Variants in UNC5D observed in about 807,000 individuals in gnomAD.
UNC5D encodes unc-5 netrin receptor D, also known as netrin receptor UNC5D.
UNC5D carries 39 observed loss-of-function variants against 105.4 expected under a neutral mutation model. The observed-to-expected ratio is 0.37, with a 90% CI of 0.29 to 0.48. The LOEUF is 0.48. Among genes scored for constraint, UNC5D ranks in the 20% least tolerant of loss-of-function variants. UNC5D has a pLI of 0.98. For synonymous variants in UNC5D, 452 were observed against 450.4 expected (o/e 1.00, Z -0.04); for missense variants, 991 against 1,202.4 (o/e 0.82, Z 2.60).
At chr8:35,261,983 T>C (rs182897752) in intron 1 of UNC5D, among the ~76,000 whole-genome samples, 3 of 152,314 alleles carry the variant, frequency 2.0e-5, no homozygotes, top group Admixed American at 2.0e-4. Context: ...TGTCTGGGTT[T>C]CTTGATCTCT....
chr8:35,664,238 T>C (rs1463631860), intron 4 of UNC5D, among the ~76,000 whole-genome samples: 3 of 152,316 alleles, frequency 2.0e-5, no homozygotes, highest in African/African-American at 7.2e-5. Flanking sequence ...CTATTTTCAT[T>C]GATGATGATT....
At chr8:35,626,392 A>G (rs1327980739) in intron 4 of UNC5D, among the ~76,000 whole-genome samples, 3 of 152,214 alleles carry the variant, frequency 2.0e-5, no homozygotes, top group African/African-American at 2.4e-5. Context: ...TAACCAAAAA[A>G]TTAAAATGCA....
intron 15 of UNC5D, among the ~76,000 whole-genome samples, chr8:35,768,132 G>A (rs1424212271): frequency 6.6e-6 from 1 of 151,898 alleles, no homozygotes; most frequent in Admixed American, 6.6e-5. Flanking sequence ...ATTTATAGCT[G>A]TATAGCATTA....
intron 1 of UNC5D, among the ~76,000 whole-genome samples, chr8:35,277,554 G>A (rs532430403): frequency 2.0e-5 from 3 of 152,160 alleles, no homozygotes; most frequent in Admixed American, 6.5e-5. Flanking sequence ...AGTCTTGGGT[G>A]ACTTTTCTCA....
intron 1 of UNC5D, among the ~76,000 whole-genome samples, chr8:35,546,935 A>C (rs1815725239): frequency 6.6e-6 from 1 of 152,182 alleles, no homozygotes; most frequent in Non-Finnish European, 1.5e-5. Flanking sequence ...TATTTGCTTT[A>C]CAATTTTTTG....
intron 4 of UNC5D, among the ~76,000 whole-genome samples, chr8:35,638,888 T>TTCATA (rs1214836340): frequency 6.6e-6 from 1 of 152,206 alleles, no homozygotes; most frequent in Non-Finnish European, 1.5e-5. Flanking sequence ...AAACTCTTTA[T>TTCATA]TCATATTGAA....
At chr8:35,301,771 A>G (rs1310298948) in intron 1 of UNC5D, among the ~76,000 whole-genome samples, 1 of 152,184 alleles carries the variant, frequency 6.6e-6, no homozygotes, top group Non-Finnish European at 1.5e-5. Flanking sequence ...TATATAATTT[A>G]CTATAAATAA....
chr8:35,739,017 T>A (rs2131600227), intron 11 of UNC5D, among the ~76,000 whole-genome samples: 1 of 152,310 alleles, frequency 6.6e-6, no homozygotes, highest in South Asian at 2.1e-4. Context: ...ATAGAGAGAA[T>A]CACTGAGGAA....
intron 1 of UNC5D, among the ~76,000 whole-genome samples, chr8:35,434,249 T>C (rs1038850154): frequency 6.6e-6 from 1 of 152,080 alleles, no homozygotes; most frequent in African/African-American, 2.4e-5. Context: ...AATTGAAATA[T>C]GGAAATAAAT....
chr8:35,357,385 A>G lies in UNC5D; in HGVS notation c.103+121498A>G, dbSNP rs184711303. Among the ~76,000 whole-genome samples the G allele has an allele frequency of 6.6e-5, 10 of 152,272 alleles. No individual in the cohort carries two copies. The East Asian group carries it at 1.9e-3, about 30-fold the overall frequency. On this transcript the variant is annotated intron_variant, in intron 1 of 16. Coordinates refer to ENST00000404895, the MANE Select transcript of UNC5D (RefSeq NM_080872.4). Reference sequence around the variant, plus strand: ...TTTGTCCCCCTAACAAGCTTTGCTCATTAACCCCAGACTGCTGGGCAAAAT... The same window carrying G: ...TTTGTCCCCCTAACAAGCTTTGCTCGTTAACCCCAGACTGCTGGGCAAAAT...
chr8:35,270,283 G>A (rs964234336), intron 1 of UNC5D, among the ~76,000 whole-genome samples: 4 of 152,232 alleles, frequency 2.6e-5, no homozygotes, highest in African/African-American at 9.6e-5. Flanking sequence ...GATTTCTTGG[G>A]CTTTCGATAG....
intron 11 of UNC5D, among the ~76,000 whole-genome samples, chr8:35,735,025 G>GC (rs1484136072): frequency 6.6e-6 from 1 of 151,762 alleles, no homozygotes; most frequent in Non-Finnish European, 1.5e-5. Context: ...TTATCCACCC[G>GC]CCTCGGCCTC....
At chr8:35,742,058 C>T (rs1387626599) in intron 11 of UNC5D, among the ~76,000 whole-genome samples, 1 of 152,146 alleles carries the variant, frequency 6.6e-6, no homozygotes, top group Non-Finnish European at 1.5e-5. Context: ...TTCTCCCTCT[C>T]CAGGAGTCTG....
intron 1 of UNC5D, among the ~76,000 whole-genome samples, chr8:35,342,677 C>A (rs1475312878): frequency 6.6e-6 from 1 of 152,046 alleles, no homozygotes; most frequent in Non-Finnish European, 1.5e-5. Context: ...TTGATAAAAA[C>A]CCAGAGTCTT....
Position 35,708,686 on chromosome 8 carries a change from G to A in UNC5D, c.1117+2725G>A, listed in dbSNP as rs535555573. Among the ~76,000 whole-genome samples, 32 of 152,258 alleles carry A rather than the reference G, an allele frequency of 2.1e-4. 2 individuals carry two copies. In the South Asian group the frequency reaches 6.4e-3, roughly 31 times the overall value. ...TGGTTTGGTAAGTTCACCTGAAGGG[G>A]TGAAAAGGATTTAGCTTTTCCCTGG... On this transcript the variant is annotated intron_variant, in intron 8 of 16. Transcript: ENST00000404895.
At chr8:35,558,307 T>C (rs764723507) in intron 2 of UNC5D, among the ~76,000 whole-genome samples, 63 of 152,058 alleles carry the variant, frequency 4.1e-4, no homozygotes, top group African/African-American at 1.5e-3. Flanking sequence ...CTTTGATTTA[T>C]TGCTTATGGT....
rs577979151 is a variant in UNC5D, at chr8:35,589,052, A to G, written c.467-6502A>G. ...GAGCAAGACTTCATCTCAAAAAAAA[A>G]AAAGGATTACCTGCCAAAACAGGTG... is the stretch of plus-strand genomic sequence containing the variant. On this transcript the variant is annotated intron_variant, in intron 3 of 16. Coordinates refer to ENST00000404895, the MANE Select transcript of UNC5D (RefSeq NM_080872.4). Among the ~76,000 whole-genome samples, 28 of 152,270 alleles carry G rather than the reference A, an allele frequency of 1.8e-4. No individual in the cohort carries two copies. The East Asian group carries it at 5.0e-3, about 27-fold the overall frequency.
chr8:35,283,507 A>G (rs1421721387), intron 1 of UNC5D, among the ~76,000 whole-genome samples: 1 of 152,178 alleles, frequency 6.6e-6, no homozygotes, highest in Admixed American at 6.5e-5. Context: ...CACACCTGTA[A>G]TCCCAGCACT....
intron 1 of UNC5D, among the ~76,000 whole-genome samples, chr8:35,404,123 CTT>C (rs953859026): frequency 7.9e-5 from 12 of 152,306 alleles, no homozygotes; most frequent in Admixed American, 5.2e-4. Context: ...TAGAGCCTCT[CTT>C]ATATTGAAAA....
Sources: gnomAD v4.1 joint callset for allele counts (sites outside exome capture counted in the v4.1 genomes callset) on GRCh38, gnomAD v4.1.1 for gene constraint, MANE v1.5 for transcripts, NCBI Gene and HGNC (gene_info 2026-07-23, HGNC 2026-07-21) for gene names.